Variants in ANLN observed in about 807,000 individuals in gnomAD.
ANLN encodes anillin, actin binding protein, also known as anillin.
ANLN carries 59 observed loss-of-function variants against 135.1 expected under a neutral mutation model. The ratio of observed to expected loss-of-function variants is 0.44; its 90% CI spans 0.35 to 0.54. ANLN has a LOEUF of 0.54. Among genes scored for constraint, ANLN ranks in the 20% least tolerant of loss-of-function variants. The pLI, the probability that ANLN is intolerant of heterozygous loss-of-function variation, is 0.00. For missense variants in ANLN, 1,182 were observed against 1,340.0 expected, an observed-to-expected ratio of 0.88 and a Z score of 1.84; for synonymous variants, 406 against 456.4, an observed-to-expected ratio of 0.89 and a Z score of 1.41.
intron 17 of ANLN, 70 bp downstream of exon 17, chr7:36,424,812 T>C (rs1455125896): frequency 5.5e-5 from 80 of 1,453,522 alleles, no homozygotes; most frequent in Non-Finnish European, 7.3e-5. Context: ...CCAGTTTTAA[T>C]TTATGTACAA....
At chr7:36,435,979 C>T (rs1583647944) in intron 20 of ANLN, among the ~76,000 whole-genome samples, 1 of 147,604 alleles carries the variant, frequency 6.8e-6, no homozygotes, top group East Asian at 2.0e-4. Context: ...ATTCATGTAA[C>T]CAAAGTAACA....
At chr7:36,435,385 T>G (rs1480852343) in intron 20 of ANLN, among the ~76,000 whole-genome samples, 4 of 143,326 alleles carry the variant, frequency 2.8e-5, no homozygotes, top group African/African-American at 7.8e-5. Flanking sequence ...ATAGAGATGG[T>G]GGGGGGGGGG....
In ANLN at chr7:36,427,004, AAAT is replaced by A; in HGVS notation, c.2861_2863del (p.Asn954del). 1 of 1,611,146 alleles carries A rather than the reference AAAT, an allele frequency of 6.2e-7. No homozygotes were observed. Among genetic ancestry groups the A allele is most frequent in the Non-Finnish European group, 8.5e-7 (1 of 1,178,678 alleles). The stretch of plus-strand genomic sequence containing the variant: ...ACACATTATCATTGTCTTCAGTAGG[AAAT>A]ACTAAGTTTGTTCTGGACAAGGTAA... On this transcript the variant is annotated inframe_deletion, in exon 20 of 24. Coordinates refer to ENST00000265748, the MANE Select transcript of ANLN (RefSeq NM_018685.5).
At chr7:36,437,709 A>G (rs60725505) in intron 20 of ANLN, among the ~76,000 whole-genome samples, 35,563 of 151,972 alleles carry the variant, frequency 0.23, 4,297 homozygotes, top group East Asian at 0.42. Flanking sequence ...ATCCATTGCT[A>G]AATCCATGAT....
At chr7:36,447,269 C>T (rs1033788637) in intron 22 of ANLN, among the ~76,000 whole-genome samples, 17 of 152,016 alleles carry the variant, frequency 1.1e-4, no homozygotes, top group Non-Finnish European at 2.2e-4. Context: ...TTTTTTTTCT[C>T]TCCTTATTAA....
chr7:36,426,552 G>A (rs1016794763), intron 19 of ANLN, among the ~76,000 whole-genome samples: 1 of 151,996 alleles, frequency 6.6e-6, no homozygotes, highest in Non-Finnish European at 1.5e-5. Flanking sequence ...TCTTCTCTGT[G>A]GTGCAAGAGA....
At chr7:36,400,092 AAAAGT>A (rs907007108) in intron 3 of ANLN, among the ~76,000 whole-genome samples, 2 of 152,202 alleles carry the variant, frequency 1.3e-5, no homozygotes, top group African/African-American at 4.8e-5. Context: ...CAAAGAAGTG[AAAAGT>A]AAAGTCATTT....
chr7:36,419,823 G>C (rs972321722), intron 10 of ANLN, among the ~76,000 whole-genome samples: 1 of 152,130 alleles, frequency 6.6e-6, no homozygotes, highest in Non-Finnish European at 1.5e-5. Flanking sequence ...TAGTGGAGTT[G>C]ATGTGAACAT....
intron 2 of ANLN, among the ~76,000 whole-genome samples, chr7:36,397,358 G>A (rs1562783958): frequency 6.6e-6 from 1 of 152,162 alleles, no homozygotes; most frequent in Non-Finnish European, 1.5e-5. Flanking sequence ...AGATGGGTTT[G>A]TACTATTGAG....
At chr7:36,425,496 A>G (rs1054191192) in intron 17 of ANLN, among the ~76,000 whole-genome samples, 2 of 152,042 alleles carry the variant, frequency 1.3e-5, no homozygotes, top group African/African-American at 4.8e-5. Flanking sequence ...GGGTTTCACC[A>G]TGTTAGCAAG....
chr7:36,401,679 A>G (rs1464717891), intron 3 of ANLN, among the ~76,000 whole-genome samples: 2 of 120,512 alleles, frequency 1.7e-5, no homozygotes, highest in Admixed American at 1.6e-4. Context: ...TATGGTGTCA[A>G]TTAATACCTA....
chr7:36,445,857 C>T (rs997991748), intron 22 of ANLN, among the ~76,000 whole-genome samples: 9 of 152,180 alleles, frequency 5.9e-5, no homozygotes, highest in African/African-American at 1.9e-4. Context: ...AAGTTCTCAG[C>T]TTTTCATATT....
At chr7:36,436,680 A>G (rs1280701401) in intron 20 of ANLN, among the ~76,000 whole-genome samples, 1 of 151,982 alleles carries the variant, frequency 6.6e-6, no homozygotes, top group Non-Finnish European at 1.5e-5. Flanking sequence ...GTGGTTCCTC[A>G]TTGTAGGTTT....
intron 1 of ANLN, among the ~76,000 whole-genome samples, chr7:36,395,686 G>A (rs1786664018): frequency 6.6e-6 from 1 of 151,796 alleles, no homozygotes; most frequent in South Asian, 2.1e-4. Context: ...TGCTCAGCCG[G>A]GCTGTTCTTC....
intron 1 of ANLN, among the ~76,000 whole-genome samples, chr7:36,392,340 T>C (rs1376314864): frequency 6.6e-6 from 1 of 152,096 alleles, no homozygotes; most frequent in African/African-American, 2.4e-5. Context: ...AGTTAATTTA[T>C]ATTGAGTCTA....
chr7:36,430,360 CACT>C (rs1330260579), intron 20 of ANLN, among the ~76,000 whole-genome samples: 1 of 152,128 alleles, frequency 6.6e-6, no homozygotes, highest in African/African-American at 2.4e-5. Context: ...TTTAGGACAC[CACT>C]GTCAGTGGAT....
At chr7:36,408,070 C>A in intron 5 of ANLN, 114 bp downstream of exon 5, 1 of 802,250 alleles carries the variant, frequency 1.2e-6, no homozygotes, top group Non-Finnish European at 1.9e-6. Flanking sequence ...GGGCCAATGC[C>A]TGAATGTTCC....
At chr7:36,396,067 T>C (rs1472769237) in intron 1 of ANLN, among the ~76,000 whole-genome samples, 199 bp from the exon 2 acceptor site, 1 of 152,234 alleles carries the variant, frequency 6.6e-6, no homozygotes, top group East Asian at 1.9e-4. Flanking sequence ...ACATATTTTA[T>C]TCCTTCTGTA....
intron 21 of ANLN, among the ~76,000 whole-genome samples, chr7:36,440,972 G>C (rs1400735344): frequency 6.6e-6 from 1 of 152,050 alleles, no homozygotes. Flanking sequence ...AAAGCCCGGT[G>C]GTCTAAGTAA....
Sources: gnomAD v4.1 joint callset for allele counts (sites outside exome capture counted in the v4.1 genomes callset) on GRCh38, gnomAD v4.1.1 for gene constraint, MANE v1.5 for transcripts, NCBI Gene and HGNC (gene_info 2026-07-23, HGNC 2026-07-21) for gene names.